Variants in EFNA5 observed in about 807,000 individuals in gnomAD.
EFNA5 encodes ephrin A5.
A neutral mutation model predicts 22.9 loss-of-function variants in EFNA5; 5 were observed. The observed-to-expected ratio is 0.22, with a 90% CI of 0.11 to 0.46. The LOEUF (loss-of-function observed/expected upper bound fraction) is 0.46, where lower values mean the gene tolerates loss of function less well. Among genes scored for constraint, EFNA5 ranks in the 20% least tolerant of loss-of-function variants. The pLI, the probability that EFNA5 is intolerant of heterozygous loss-of-function variation, is 0.99. For missense variants in EFNA5, 237 were observed against 293.3 expected, an observed-to-expected ratio of 0.81 and a Z score of 1.40; for synonymous variants, 113 against 112.2, an observed-to-expected ratio of 1.01 and a Z score of -0.04.
chr5:107,568,545 T>C (rs1748710229), intron 1 of EFNA5, among the ~76,000 whole-genome samples: 1 of 152,196 alleles, frequency 6.6e-6, no homozygotes, highest in Non-Finnish European at 1.5e-5. Flanking sequence ...AACTGACAGC[T>C]GCAGTCCTTA....
At chr5:107,559,369 T>C (rs1033385215) in intron 1 of EFNA5, among the ~76,000 whole-genome samples, 47 of 152,202 alleles carry the variant, frequency 3.1e-4, no homozygotes, top group African/African-American at 1.1e-3. Context: ...AAAATATACA[T>C]GTATATATAT....
chr5:107,590,241 G>A (rs1749289172), intron 1 of EFNA5, among the ~76,000 whole-genome samples: 4 of 152,174 alleles, frequency 2.6e-5, no homozygotes, highest in African/African-American at 9.7e-5. Flanking sequence ...CTCTCTTGGA[G>A]TAATTCCTTC....
chr5:107,591,969 TA>T (rs1749361177), intron 1 of EFNA5, among the ~76,000 whole-genome samples: 1 of 28,972 alleles, frequency 3.5e-5, no homozygotes, highest in Non-Finnish European at 5.6e-5. Flanking sequence ...ATATATATAA[TA>T]TATATAATAT....
Position 107,433,115 on chromosome 5 carries a change from G to T in EFNA5, c.126-5606C>A, listed in dbSNP as rs1035399110. On this transcript the variant is annotated intron_variant, in intron 1 of 4. Coordinates refer to ENST00000333274, the MANE Select transcript of EFNA5 (RefSeq NM_001962.3). ...CAATTGTAGGCTATTAGTAGCTAAG[G>T]TTTTCAGGAGTCAAAAGTTATACCT... Among the ~76,000 whole-genome samples, 6 of 152,244 alleles carry T rather than the reference G, an allele frequency of 3.9e-5. No homozygotes were observed. The East Asian group carries it at 1.2e-3, about 29-fold the overall frequency.
intron 1 of EFNA5, among the ~76,000 whole-genome samples, chr5:107,518,272 GAA>G (rs60332450): frequency 5.9e-4 from 78 of 132,328 alleles, no homozygotes; most frequent in African/African-American, 1.8e-3. Flanking sequence ...GCCCCACTCG[GAA>G]AAAAAAAAAA....
At chr5:107,640,424 A>G (rs164837) in intron 1 of EFNA5, among the ~76,000 whole-genome samples, 41,505 of 152,156 alleles carry the variant, frequency 0.27, 6,150 homozygotes, top group Non-Finnish European at 0.33. Flanking sequence ...TTATGTGTAA[A>G]TGTTATTTTA....
chr5:107,479,001 G>A (rs1750383503), intron 1 of EFNA5, among the ~76,000 whole-genome samples: 1 of 152,058 alleles, frequency 6.6e-6, no homozygotes, highest in Non-Finnish European at 1.5e-5. Flanking sequence ...GATTGAAAGG[G>A]CTCAATTTAA....
chr5:107,482,848 C>G (rs1197834970), intron 1 of EFNA5, among the ~76,000 whole-genome samples: 1 of 71,374 alleles, frequency 1.4e-5, no homozygotes, highest in Non-Finnish European at 2.7e-5. Context: ...CTCTCTCTCT[C>G]TCTCTCTCTC....
chr5:107,645,429 T>C (rs909412026), intron 1 of EFNA5, among the ~76,000 whole-genome samples: 1 of 152,232 alleles, frequency 6.6e-6, no homozygotes, highest in Non-Finnish European at 1.5e-5. Context: ...GCATTCACTA[T>C]TCACATGTTA....
At chr5:107,651,158 C>T (rs1360541504) in intron 1 of EFNA5, among the ~76,000 whole-genome samples, 1 of 152,156 alleles carries the variant, frequency 6.6e-6, no homozygotes, top group African/African-American at 2.4e-5. Flanking sequence ...CATAGCCCAG[C>T]TGAGTGGTAA....
Position 107,620,272 on chromosome 5 carries a change from C to T in EFNA5, c.125+50217G>A, listed in dbSNP as rs73781143. 6.4e-3 allele frequency among the ~76,000 whole-genome samples: 972 copies of T among 152,328 alleles called. 13 individuals carry two copies. Among genetic ancestry groups the T allele is most frequent in the African/African-American group, 0.021 (862 of 41,578 alleles). The stretch of plus-strand genomic sequence containing the variant: ...GGGCAACTCCTAATTGTGCTGGCCA[C>T]GTTTCATTTACTTTCACCACCAATT... On this transcript the variant is annotated intron_variant, in intron 1 of 4. Coordinates refer to ENST00000333274, the MANE Select transcript of EFNA5 (RefSeq NM_001962.3).
chr5:107,413,454 A>T (rs1748424095), intron 2 of EFNA5, among the ~76,000 whole-genome samples: 1 of 152,180 alleles, frequency 6.6e-6, no homozygotes, highest in African/African-American at 2.4e-5. Flanking sequence ...GGCACAGACA[A>T]TGGGCACTGA....
At chr5:107,407,278 C>T (rs1409060510) in intron 2 of EFNA5, among the ~76,000 whole-genome samples, 1 of 152,088 alleles carries the variant, frequency 6.6e-6, no homozygotes, top group Admixed American at 6.6e-5. Context: ...AGCCCGAAAA[C>T]GTCTAAGGAG....
chr5:107,388,964 TAC>T (rs750085389), intron 2 of EFNA5, among the ~76,000 whole-genome samples: 27 of 152,304 alleles, frequency 1.8e-4, no homozygotes, highest in African/African-American at 3.1e-4. Flanking sequence ...AAACAAATTT[TAC>T]ACAGTCTCCT....
chr5:107,547,717 T>C (rs1748198430), intron 1 of EFNA5, among the ~76,000 whole-genome samples: 1 of 152,202 alleles, frequency 6.6e-6, no homozygotes, highest in Admixed American at 6.5e-5. Context: ...AAAAGCATTT[T>C]TCTTTTTGAT....
intron 1 of EFNA5, among the ~76,000 whole-genome samples, chr5:107,495,280 C>T (rs754869815): frequency 6.6e-5 from 10 of 152,290 alleles, no homozygotes; most frequent in African/African-American, 1.2e-4. Context: ...CCGGGAGGAA[C>T]GAACAACTCC....
chr5:107,564,394 A>G (rs542181717), intron 1 of EFNA5, among the ~76,000 whole-genome samples: 24 of 152,166 alleles, frequency 1.6e-4, no homozygotes, highest in African/African-American at 5.5e-4. Flanking sequence ...CCTCTTTCAC[A>G]CATATACAGC....
At chr5:107,555,467 T>G (rs1748391717) in intron 1 of EFNA5, among the ~76,000 whole-genome samples, 1 of 152,242 alleles carries the variant, frequency 6.6e-6, no homozygotes, top group Non-Finnish European at 1.5e-5. Context: ...ATTATTTTAT[T>G]CTACAATAAT....
chr5:107,542,430 G>T (rs373244330), intron 1 of EFNA5, among the ~76,000 whole-genome samples: 1 of 152,048 alleles, frequency 6.6e-6, no homozygotes, highest in Non-Finnish European at 1.5e-5. Context: ...GTTATTCAGG[G>T]TCTGTTCTTT....
Sources: allele counts gnomAD v4.1 joint callset (sites outside exome capture counted in the v4.1 genomes callset), GRCh38; gene constraint gnomAD v4.1.1; transcripts MANE v1.5; gene names NCBI Gene and HGNC (gene_info 2026-07-23, HGNC 2026-07-21).